The following CLIC5 variants were observed in gnomAD, a reference collection of about 807,000 sequenced individuals.
The protein encoded by CLIC5 is chloride intracellular channel protein 5.
Under a neutral mutation model 24.7 loss-of-function variants are expected in CLIC5, and 20 were observed. That is an observed-to-expected ratio of 0.81 (90% CI 0.57 to 1.18). The LOEUF is 1.18. CLIC5 is among the 50% of genes most tolerant of loss of function. CLIC5 has a pLI of 0.00. For synonymous variants in CLIC5, 159 were observed against 135.6 expected (o/e 1.17, Z -1.20); for missense variants, 341 against 326.1 (o/e 1.05, Z -0.35).
intron 1 of CLIC5, 152 bp downstream of exon 1, chr6:46,015,328 G>T: frequency 1.5e-6 from 1 of 687,026 alleles, no homozygotes; most frequent in Non-Finnish European, 2.1e-6. Context: ...GAGCCTCGCA[G>T]CGGGGCGCTG....
chr6:45,969,796 G>GTT (rs397779323), intron 1 of CLIC5, among the ~76,000 whole-genome samples: 1,158 of 105,196 alleles, frequency 0.011, 31 homozygotes, highest in African/African-American at 0.025. Context: ...TCACATCAAG[G>GTT]TTTTTTTTTT....
intron 5 of CLIC5, chr6:45,912,629 T>C: frequency 6.7e-7 from 1 of 1,482,406 alleles, no homozygotes; most frequent in Non-Finnish European, 9.1e-7. Context: ...ATGCTGCTAG[T>C]TGGCAGCAAA....
chr6:46,080,228 G>A, exon 1 of CLIC5: 1 of 1,550,808 alleles, frequency 6.4e-7, no homozygotes, highest in Non-Finnish European at 8.7e-7. Context: ...TGGTGCTGTA[G>A]TCTTCGTCAT....
intron 1 of CLIC5, among the ~76,000 whole-genome samples, chr6:46,032,572 C>T (rs754159767): frequency 8.5e-5 from 13 of 152,238 alleles, no homozygotes; most frequent in Non-Finnish European, 1.3e-4. Flanking sequence ...CCAACCCACA[C>T]AGAATCCCTC....
the CLIC5 span, among the ~76,000 whole-genome samples, chr6:46,114,118 T>C: frequency 4.6e-5 from 7 of 152,020 alleles, no homozygotes; most frequent in Non-Finnish European, 2.9e-5. Flanking sequence ...CCTGAAAGAG[T>C]GAGTAGGCCA....
the CLIC5 span, among the ~76,000 whole-genome samples, chr6:46,120,017 C>G: frequency 6.6e-6 from 1 of 152,224 alleles, no homozygotes; most frequent in Non-Finnish European, 1.5e-5. Context: ...CAGGGCATAG[C>G]CAAACAAAAG....
chr6:45,940,558 T>C (rs1764094134), intron 4 of CLIC5, among the ~76,000 whole-genome samples: 1 of 152,240 alleles, frequency 6.6e-6, no homozygotes, highest in Non-Finnish European at 1.5e-5. Context: ...TTGGAGCTTC[T>C]GGGGCATCTA....
chr6:46,109,168 G>T, the CLIC5 span, among the ~76,000 whole-genome samples: 2 of 152,046 alleles, frequency 1.3e-5, no homozygotes, highest in Admixed American at 6.5e-5. Context: ...TAAGTATTTT[G>T]TCACCCATAG....
At chr6:45,969,800 T>C (rs1192245187) in intron 1 of CLIC5, among the ~76,000 whole-genome samples, 1 of 149,438 alleles carries the variant, frequency 6.7e-6, no homozygotes, top group East Asian at 1.9e-4. Context: ...ATCAAGGTTT[T>C]TTTTTTTTTT....
Position 45,924,798 on chromosome 6 carries a change from C to T in CLIC5, c.407-10389G>A, listed in dbSNP as rs377209953. On this transcript the variant is annotated intron_variant, in intron 4 of 5. Coordinates refer to ENST00000339561, the MANE Select transcript of CLIC5 (RefSeq NM_016929.5). ...ATATATTTTCAGGGTAGCAATGTGC[C>T]CTATCAAAAATACTCATCTTCCTAG... Among the ~76,000 whole-genome samples the T allele has an allele frequency of 2.6e-5, 4 of 151,810 alleles. No homozygotes were observed. The East Asian group carries it at 7.7e-4, about 29-fold the overall frequency.
intron 1 of CLIC5, among the ~76,000 whole-genome samples, chr6:46,005,839 C>G (rs997705155): frequency 6.6e-6 from 1 of 151,574 alleles, no homozygotes; most frequent in African/African-American, 2.4e-5. Context: ...GTGGCCCTCA[C>G]CAGACACCAA....
At chr6:45,929,157 C>T (rs938133241) in intron 4 of CLIC5, among the ~76,000 whole-genome samples, 1 of 152,184 alleles carries the variant, frequency 6.6e-6, no homozygotes, top group Admixed American at 6.5e-5. Context: ...TTCAACAGGC[C>T]ACGCCACCAC....
At chr6:45,956,531 C>T (rs2127388150) in intron 1 of CLIC5, among the ~76,000 whole-genome samples, 1 of 149,606 alleles carries the variant, frequency 6.7e-6, no homozygotes, top group South Asian at 2.2e-4. Flanking sequence ...AAGCTCAACA[C>T]ACTGTTTTCT....
chr6:45,917,827 G>GTC (rs1370250456), intron 4 of CLIC5, among the ~76,000 whole-genome samples: 2 of 152,180 alleles, frequency 1.3e-5, no homozygotes, highest in African/African-American at 2.4e-5. Context: ...GCTCTGGTAG[G>GTC]AACAAGGGGG....
intron 1 of CLIC5, among the ~76,000 whole-genome samples, chr6:46,023,010 T>C (rs1164249459): frequency 6.6e-6 from 1 of 152,220 alleles, no homozygotes; most frequent in Non-Finnish European, 1.5e-5. Flanking sequence ...CCTTGCTACA[T>C]ACTTACAAAC....
At chr6:46,099,332 C>T in the CLIC5 span, among the ~76,000 whole-genome samples, 2 of 152,134 alleles carry the variant, frequency 1.3e-5, no homozygotes, top group African/African-American at 2.4e-5. Flanking sequence ...ATCAATGTAG[C>T]CCCCGACTGT....
intron 1 of CLIC5, among the ~76,000 whole-genome samples, chr6:45,969,546 G>A (rs990828525): frequency 2.0e-5 from 3 of 150,874 alleles, no homozygotes; most frequent in Non-Finnish European, 4.4e-5. Flanking sequence ...ACGATCGGTA[G>A]GGATGGAGTT....
chr6:46,102,670 C>T, the CLIC5 span: 98,811 of 152,474 alleles, frequency 0.65, 32,155 homozygotes, highest in Middle Eastern at 0.81. Flanking sequence ...CTTCAAATTA[C>T]AGATATAGAA....
At chr6:45,974,532 G>T (rs867179363) in intron 1 of CLIC5, among the ~76,000 whole-genome samples, 6,196 of 85,368 alleles carry the variant, frequency 0.073, 105 homozygotes, top group Middle Eastern at 0.084. Flanking sequence ...TAGAGAGAGA[G>T]AGAGAGAGAG....
Sources: allele counts gnomAD v4.1 joint callset (sites outside exome capture counted in the v4.1 genomes callset), GRCh38; gene constraint gnomAD v4.1.1; transcripts MANE v1.5; gene names NCBI Gene and HGNC (gene_info 2026-07-23, HGNC 2026-07-21).